PTGER3: variants seen among roughly 807,000 people sequenced by gnomAD.
PTGER3 encodes prostaglandin E receptor 3, also known as prostaglandin E2 receptor EP3 subtype.
Under a neutral mutation model 34.7 loss-of-function variants are expected in PTGER3, and 22 were observed. The observed-to-expected ratio is 0.63, with a 90% CI of 0.45 to 0.91. PTGER3 has a LOEUF of 0.91. Among genes scored for constraint, PTGER3 ranks in the 40% least tolerant of loss-of-function variants. PTGER3 has a pLI of 0.00. For missense variants in PTGER3, 468 were observed against 519.4 expected (o/e 0.90, Z 0.96); for synonymous variants, 241 against 230.1 (o/e 1.05, Z -0.43).
chr1:70,916,964 G>A, intron 4 of PTGER3, among the ~76,000 whole-genome samples: 1 of 152,034 alleles, frequency 6.6e-6, no homozygotes, highest in African/African-American at 2.4e-5. Context: ...ATGTATACAT[G>A]ATATAACGGT....
At chr1:71,017,927 G>C (rs932174275) in intron 1 of PTGER3, among the ~76,000 whole-genome samples, 8 of 152,124 alleles carry the variant, frequency 5.3e-5, no homozygotes, top group Non-Finnish European at 1.0e-4. Flanking sequence ...ACCAGGCCTG[G>C]CTAATTTATG....
chr1:70,879,820 G>GT (rs1646350767), intron 4 of PTGER3, among the ~76,000 whole-genome samples: 1 of 152,126 alleles, frequency 6.6e-6, no homozygotes, highest in Non-Finnish European at 1.5e-5. Flanking sequence ...GTGTGGCCAG[G>GT]TGCAGTAGCT....
At chr1:71,017,749 C>T (rs1240733014) in intron 1 of PTGER3, among the ~76,000 whole-genome samples, 1 of 152,170 alleles carries the variant, frequency 6.6e-6, no homozygotes, top group Non-Finnish European at 1.5e-5. Context: ...CCTCCCCAGC[C>T]ATGCTTCCTG....
At chr1:70,902,339 C>T (rs917420903) in intron 4 of PTGER3, among the ~76,000 whole-genome samples, 3 of 152,176 alleles carry the variant, frequency 2.0e-5, no homozygotes, top group African/African-American at 7.2e-5. Context: ...CAGTTCTACA[C>T]GGTTCCATGA....
rs117364932 is a variant in PTGER3, at chr1:70,983,394, G to T, written c.1078-9006C>A. ...TTGATTATCAGTTCCATTGAGGCAG[G>T]GTTCAAATCTACCTTGTTTCTGCTC... is the stretch of plus-strand genomic sequence containing the variant. On this transcript the variant is annotated intron_variant, in intron 2 of 3. Coordinates refer to ENST00000306666, the MANE Select transcript of PTGER3 (RefSeq NM_198719.2). Among the ~76,000 whole-genome samples, 18 of 152,160 alleles carry T rather than the reference G, an allele frequency of 1.2e-4. No homozygotes were observed. The East Asian group carries it at 2.7e-3, about 23-fold the overall frequency.
At chr1:70,889,285 GGTGCCTGTA>G (rs1646563441) in intron 4 of PTGER3, among the ~76,000 whole-genome samples, 1 of 151,708 alleles carries the variant, frequency 6.6e-6, no homozygotes, top group African/African-American at 2.4e-5. Context: ...CGTGGTGGCG[GGTGCCTGTA>G]GTCCCAGCTA....
downstream of PTGER3, among the ~76,000 whole-genome samples, chr1:70,966,956 A>G (rs1228476759): frequency 6.6e-6 from 1 of 152,088 alleles, no homozygotes; most frequent in Non-Finnish European, 1.5e-5. Context: ...TTTTGGGGGT[A>G]TATACCCAGT....
intron 2 of PTGER3, among the ~76,000 whole-genome samples, chr1:70,984,410 A>T (rs1654708591): frequency 6.6e-6 from 1 of 151,790 alleles, no homozygotes; most frequent in South Asian, 2.1e-4. Flanking sequence ...AAATTCATTA[A>T]ATTAACAAAA....
At chr1:71,017,928 C>T (rs1228942326) in intron 1 of PTGER3, among the ~76,000 whole-genome samples, 1 of 152,144 alleles carries the variant, frequency 6.6e-6, no homozygotes, top group Non-Finnish European at 1.5e-5. Context: ...CCAGGCCTGG[C>T]TAATTTATGT....
intron 4 of PTGER3, among the ~76,000 whole-genome samples, chr1:70,919,396 T>G (rs1253395073): frequency 1.3e-5 from 2 of 152,200 alleles, no homozygotes; most frequent in Non-Finnish European, 2.9e-5. Flanking sequence ...GAAATATCTT[T>G]CCTTTCCAGT....
At chr1:70,908,882 A>G (rs1054689489) in intron 4 of PTGER3, among the ~76,000 whole-genome samples, 2 of 152,184 alleles carry the variant, frequency 1.3e-5, no homozygotes, top group African/African-American at 4.8e-5. Context: ...GCCCTATGCA[A>G]TTACAATTAC....
intron 1 of PTGER3, among the ~76,000 whole-genome samples, chr1:71,046,086 G>A (rs1284678810): frequency 6.6e-6 from 1 of 151,124 alleles, no homozygotes; most frequent in Non-Finnish European, 1.5e-5. Flanking sequence ...GAGGTCAGGA[G>A]ATCGAGACCA....
chr1:70,968,346 C>T (rs1442085271), downstream of PTGER3, among the ~76,000 whole-genome samples: 1 of 152,158 alleles, frequency 6.6e-6, no homozygotes, highest in African/African-American at 2.4e-5. Flanking sequence ...ACAGTAGTTA[C>T]TATAATTAAA....
chr1:70,941,985 C>T (rs990593669), intron 4 of PTGER3, among the ~76,000 whole-genome samples: 9 of 152,066 alleles, frequency 5.9e-5, no homozygotes, highest in African/African-American at 1.4e-4. Flanking sequence ...ACTGTGATGA[C>T]GACAGCTCCT....
chr1:70,954,506 A>G (rs1375490590), intron 2 of PTGER3, among the ~76,000 whole-genome samples: 1 of 152,156 alleles, frequency 6.6e-6, no homozygotes, highest in Non-Finnish European at 1.5e-5. Context: ...CCTCATATTA[A>G]TCCTCACAGC....
chr1:70,893,462 G>T (rs77268000), intron 4 of PTGER3, among the ~76,000 whole-genome samples: 5,315 of 152,244 alleles, frequency 0.035, 153 homozygotes, highest in East Asian at 0.12. Context: ...TCTTTTTTCT[G>T]CATGTCTTTC....
intron 2 of PTGER3, among the ~76,000 whole-genome samples, chr1:70,987,105 A>T (rs1206576952): frequency 6.6e-6 from 1 of 152,214 alleles, no homozygotes; most frequent in African/African-American, 2.4e-5. Flanking sequence ...AGACTCTAAG[A>T]GCCAAACAGA....
At chr1:70,990,120 G>A (rs1172623177) in intron 2 of PTGER3, among the ~76,000 whole-genome samples, 25 of 151,782 alleles carry the variant, frequency 1.6e-4, no homozygotes, top group African/African-American at 4.4e-4. Context: ...TTGGGAGGCC[G>A]AGTTGGGCGG....
chr1:70,958,476 C>T (rs1651585253), intron 2 of PTGER3, among the ~76,000 whole-genome samples: 1 of 151,996 alleles, frequency 6.6e-6, no homozygotes, highest in Non-Finnish European at 1.5e-5. Flanking sequence ...TTTGTATGTA[C>T]TCTTGTGAAA....
Sources: gnomAD v4.1 joint callset for allele counts (sites outside exome capture counted in the v4.1 genomes callset) on GRCh38, gnomAD v4.1.1 for gene constraint, MANE v1.5 for transcripts, NCBI Gene and HGNC (gene_info 2026-07-23, HGNC 2026-07-21) for gene names.